QTMAN: variants seen among roughly 807,000 people sequenced by gnomAD.
QTMAN encodes tRNA-queuosine alpha-mannosyltransferase.
the QTMAN span, among the ~76,000 whole-genome samples, chr2:144,148,307 CAG>C: frequency 2.0e-5 from 3 of 151,550 alleles, no homozygotes; most frequent in East Asian, 1.9e-4. Flanking sequence ...TATATATTTA[CAG>C]AGAGAGAAAA....
chr2:144,093,715 G>T, the QTMAN span, among the ~76,000 whole-genome samples: 1 of 152,164 alleles, frequency 6.6e-6, no homozygotes, highest in Non-Finnish European at 1.5e-5. Context: ...CTGCAGAAGG[G>T]TCAGGGGAGT....
At chr2:144,189,639 CAG>C in the QTMAN span, among the ~76,000 whole-genome samples, 7 of 151,822 alleles carry the variant, frequency 4.6e-5, no homozygotes, top group South Asian at 1.3e-3. Flanking sequence ...TTCTCTGAGA[CAG>C]AGTTTCACTC....
chr2:144,109,519 T>C, the QTMAN span, among the ~76,000 whole-genome samples: 1 of 152,116 alleles, frequency 6.6e-6, no homozygotes, highest in Non-Finnish European at 1.5e-5. Flanking sequence ...CCAAAAGCAA[T>C]GGCAACAAAA....
At chr2:144,324,851 T>C in the QTMAN span, among the ~76,000 whole-genome samples, 1 of 149,334 alleles carries the variant, frequency 6.7e-6, no homozygotes, top group African/African-American at 2.5e-5. Context: ...CTTGCTTCCA[T>C]TTAAAAAAAA....
At chr2:144,020,140 C>T in the QTMAN span, among the ~76,000 whole-genome samples, 1 of 152,120 alleles carries the variant, frequency 6.6e-6, no homozygotes, top group Admixed American at 6.5e-5. Flanking sequence ...AGAGCATGGT[C>T]CCTTTAAATG....
the QTMAN span, among the ~76,000 whole-genome samples, chr2:143,956,539 T>C: frequency 1.1e-4 from 17 of 152,130 alleles, no homozygotes; most frequent in Non-Finnish European, 2.5e-4. Flanking sequence ...CTATTTAAAA[T>C]TATTAGAAAT....
chr2:144,248,116 T>C, the QTMAN span, among the ~76,000 whole-genome samples: 1 of 152,212 alleles, frequency 6.6e-6, no homozygotes, highest in African/African-American at 2.4e-5. Context: ...TTTCTGACAG[T>C]GTTTTACGTA....
the QTMAN span, among the ~76,000 whole-genome samples, chr2:144,121,388 C>T: frequency 6.6e-6 from 1 of 152,212 alleles, no homozygotes; most frequent in Non-Finnish European, 1.5e-5. Context: ...ACCAGGGGCT[C>T]AGATGTTCTT....
At chr2:144,173,710 C>CCACTAAGT in the QTMAN span, among the ~76,000 whole-genome samples, 3 of 152,124 alleles carry the variant, frequency 2.0e-5, no homozygotes, top group Non-Finnish European at 4.4e-5. Flanking sequence ...TTATTTGACT[C>CCACTAAGT]CACTAAGTCT....
chr2:144,103,140 A>G, the QTMAN span, among the ~76,000 whole-genome samples: 2 of 152,256 alleles, frequency 1.3e-5, no homozygotes, highest in East Asian at 1.9e-4. Context: ...AATGCTTACC[A>G]TAAGGCTAAT....
chr2:144,178,758 C>T, the QTMAN span: 98 of 314,812 alleles, frequency 3.1e-4, no homozygotes, highest in South Asian at 2.5e-3. Flanking sequence ...CCAGGATGTT[C>T]CTCAGAGAGA....
the QTMAN span, among the ~76,000 whole-genome samples, chr2:144,319,559 T>TTATA: frequency 6.6e-6 from 1 of 150,864 alleles, no homozygotes; most frequent in Non-Finnish European, 1.5e-5. Context: ...TTTTTTTCAT[T>TTATA]TATATATATA....
At chr2:144,230,632 T>C in the QTMAN span, among the ~76,000 whole-genome samples, 2 of 152,074 alleles carry the variant, frequency 1.3e-5, no homozygotes, top group Non-Finnish European at 2.9e-5. Flanking sequence ...GGAAATCAAA[T>C]AAAAGCAATA....
chr2:144,011,059 T>C, the QTMAN span, among the ~76,000 whole-genome samples: 1 of 152,162 alleles, frequency 6.6e-6, no homozygotes, highest in Non-Finnish European at 1.5e-5. Flanking sequence ...AGTTACAAGC[T>C]ACGGTTTCCT....
At chr2:144,143,821 G>A in the QTMAN span, among the ~76,000 whole-genome samples, 1 of 152,000 alleles carries the variant, frequency 6.6e-6, no homozygotes, top group Admixed American at 6.6e-5. Context: ...TTTAAGGTGA[G>A]TGCTTATGTC....
the QTMAN span, among the ~76,000 whole-genome samples, chr2:144,051,024 C>A: frequency 1.3e-5 from 2 of 152,082 alleles, no homozygotes; most frequent in African/African-American, 4.8e-5. Context: ...ATGCACATTA[C>A]AAATTTTGTT....
chr2:144,190,530 T>C, the QTMAN span, among the ~76,000 whole-genome samples: 1 of 152,166 alleles, frequency 6.6e-6, no homozygotes, highest in Non-Finnish European at 1.5e-5. Flanking sequence ...TGAAAATTGC[T>C]GGGAGATGGC....
At chr2:144,067,406 C>G in the QTMAN span, among the ~76,000 whole-genome samples, 2 of 152,190 alleles carry the variant, frequency 1.3e-5, no homozygotes, top group Non-Finnish European at 2.9e-5. Flanking sequence ...TCTTCATAAG[C>G]TTTACAAGGA....
the QTMAN span, among the ~76,000 whole-genome samples, chr2:144,282,252 A>C: frequency 6.6e-6 from 1 of 152,110 alleles, no homozygotes; most frequent in African/African-American, 2.4e-5. Context: ...ATAAGTTCCC[A>C]AGTGATACTA....
Sources: allele counts gnomAD v4.1 joint callset (sites outside exome capture counted in the v4.1 genomes callset), GRCh38; gene constraint gnomAD v4.1.1; transcripts MANE v1.5; gene names NCBI Gene and HGNC (gene_info 2026-07-23, HGNC 2026-07-21).